NRXN1: variants seen among roughly 807,000 people sequenced by gnomAD.
NRXN1 encodes neurexin 1, also known as neurexin-1.
A neutral mutation model predicts 150.9 loss-of-function variants in NRXN1; 39 were observed. That is an observed-to-expected ratio of 0.26 (90% CI 0.20 to 0.34). The LOEUF is 0.34. NRXN1 is among the 10% of genes least tolerant of loss of function. NRXN1 has a pLI of 1.00. For synonymous variants in NRXN1, 924 were observed against 757.0 expected, an observed-to-expected ratio of 1.22 and a Z score of -3.62; for missense variants, 1,815 against 1,949.9, an observed-to-expected ratio of 0.93 and a Z score of 1.30.
At chr2:49,964,487 G>A (rs535282001) in intron 21 of NRXN1, among the ~76,000 whole-genome samples, 1 of 151,964 alleles carries the variant, frequency 6.6e-6, no homozygotes, top group African/African-American at 2.4e-5. Context: ...GGCTGAGGCG[G>A]GAAAATTGCT....
intron 5 of NRXN1, among the ~76,000 whole-genome samples, chr2:50,698,639 G>T (rs901994963): frequency 1.3e-5 from 2 of 152,078 alleles, no homozygotes; most frequent in African/African-American, 4.8e-5. Flanking sequence ...CTTCTCAGAG[G>T]TTTTCAATAC....
chr2:49,976,927 G>A (rs529672953), intron 21 of NRXN1, among the ~76,000 whole-genome samples: 2 of 152,280 alleles, frequency 1.3e-5, no homozygotes, highest in East Asian at 3.9e-4. Flanking sequence ...AGCAAAAAGT[G>A]GCCAAGCTAA....
intron 18 of NRXN1, among the ~76,000 whole-genome samples, chr2:50,174,230 G>T (rs1400585602): frequency 6.6e-6 from 1 of 152,000 alleles, no homozygotes; most frequent in African/African-American, 2.4e-5. Context: ...TAGTGATTAG[G>T]AATAAAAGTT....
At chr2:50,364,619 T>C (rs956394374) in intron 17 of NRXN1, among the ~76,000 whole-genome samples, 10 of 152,134 alleles carry the variant, frequency 6.6e-5, no homozygotes, top group African/African-American at 2.4e-4. Flanking sequence ...ATCTTATCAG[T>C]CATGCACTTT....
At chr2:49,973,498 A>G (rs947632569) in intron 21 of NRXN1, among the ~76,000 whole-genome samples, 7 of 152,226 alleles carry the variant, frequency 4.6e-5, no homozygotes, top group African/African-American at 1.7e-4. Flanking sequence ...ATCTAAGCAT[A>G]TTTAAGCAAA....
intron 8 of NRXN1, among the ~76,000 whole-genome samples, chr2:50,585,764 C>T (rs1004859840): frequency 1.3e-5 from 2 of 152,042 alleles, no homozygotes; most frequent in African/African-American, 2.4e-5. Context: ...TTGATGGGGC[C>T]TCAGTCAAGA....
intron 5 of NRXN1, among the ~76,000 whole-genome samples, chr2:50,664,328 T>C (rs867942861): frequency 4.0e-5 from 6 of 151,498 alleles, no homozygotes; most frequent in South Asian, 4.2e-4. Context: ...AATTTTCTGC[T>C]ATAGCAGAAA....
chr2:50,257,033 G>GA (rs1244021390), intron 17 of NRXN1, among the ~76,000 whole-genome samples: 3 of 151,828 alleles, frequency 2.0e-5, no homozygotes, highest in African/African-American at 7.3e-5. Flanking sequence ...TCCAGGCTTT[G>GA]AAAAAAATGA....
chr2:50,540,467 AT>A (rs746095669), intron 9 of NRXN1, among the ~76,000 whole-genome samples: 1 of 150,636 alleles, frequency 6.6e-6, no homozygotes, highest in African/African-American at 2.5e-5. Context: ...TTAAAGCATC[AT>A]TTTTTATATA....
chr2:50,148,127 G>A lies in NRXN1; in HGVS notation c.3547-56633C>T, dbSNP rs1231633986. Among the ~76,000 whole-genome samples the A allele has an allele frequency of 2.6e-5, 4 of 151,498 alleles. No individual in the cohort carries two copies. In the South Asian group the frequency reaches 8.3e-4, roughly 31 times the overall value. Reference sequence around the variant, plus strand: ...AGCATATGCTGTTAAATAAACAAAAGCAGTACTGATGATGATCTGGTATCT... The same window carrying A: ...AGCATATGCTGTTAAATAAACAAAAACAGTACTGATGATGATCTGGTATCT... On this transcript the variant is annotated intron_variant, in intron 18 of 22. Transcript: ENST00000401669.
chr2:50,785,508 A>G (rs570732117), intron 5 of NRXN1, among the ~76,000 whole-genome samples: 168 of 152,204 alleles, frequency 1.1e-3, no homozygotes, highest in African/African-American at 3.9e-3. Context: ...TTGGCCTCCC[A>G]AAGTGCTGGG....
chr2:50,126,691 T>C (rs1366850603), intron 18 of NRXN1, among the ~76,000 whole-genome samples: 1 of 151,960 alleles, frequency 6.6e-6, no homozygotes, highest in Non-Finnish European at 1.5e-5. Flanking sequence ...GAACATCTCA[T>C]TAACATTAAC....
At chr2:50,871,406 A>C (rs930641477) in intron 5 of NRXN1, among the ~76,000 whole-genome samples, 3 of 151,858 alleles carry the variant, frequency 2.0e-5, no homozygotes, top group African/African-American at 7.2e-5. Context: ...ATTTATTCAG[A>C]TAAGCAGGAT....
chr2:50,986,087 T>C (rs1309329807), intron 2 of NRXN1, among the ~76,000 whole-genome samples: 4 of 151,744 alleles, frequency 2.6e-5, no homozygotes, highest in African/African-American at 9.7e-5. Flanking sequence ...TAGATTAATA[T>C]AATTAAAGTT....
chr2:50,163,079 T>C (rs72881278), intron 18 of NRXN1, among the ~76,000 whole-genome samples: 2,847 of 150,140 alleles, frequency 0.019, 80 homozygotes, highest in African/African-American at 0.066. Flanking sequence ...TTAATTTGAG[T>C]TGAAAATTAG....
chr2:50,724,219 T>C (rs549831452), intron 5 of NRXN1, among the ~76,000 whole-genome samples: 4 of 150,774 alleles, frequency 2.7e-5, no homozygotes, highest in African/African-American at 9.7e-5. Context: ...AAAGAAAAAA[T>C]GAGTGTTAAT....
chr2:49,997,185 T>C (rs1009526527), intron 21 of NRXN1, among the ~76,000 whole-genome samples: 1 of 152,110 alleles, frequency 6.6e-6, no homozygotes, highest in Non-Finnish European at 1.5e-5. Context: ...TGGAAATTCA[T>C]GCCTCCTGCT....
At chr2:50,299,821 A>C (rs1319460316) in intron 17 of NRXN1, among the ~76,000 whole-genome samples, 3 of 152,192 alleles carry the variant, frequency 2.0e-5, no homozygotes, top group Non-Finnish European at 2.9e-5. Context: ...TTAGGCTAAC[A>C]AACAGTCTAT....
intron 17 of NRXN1, among the ~76,000 whole-genome samples, chr2:50,253,401 A>T (rs2152901782): frequency 6.6e-6 from 1 of 152,222 alleles, no homozygotes; most frequent in Non-Finnish European, 1.5e-5. Context: ...AATACCCCTT[A>T]TTTCTTTCTC....
Sources: allele counts gnomAD v4.1 joint callset (sites outside exome capture counted in the v4.1 genomes callset), GRCh38; gene constraint gnomAD v4.1.1; transcripts MANE v1.5; gene names NCBI Gene and HGNC (gene_info 2026-07-23, HGNC 2026-07-21).